CNTNAP2: variants seen among roughly 807,000 people sequenced by gnomAD.
CNTNAP2 encodes contactin-associated protein-like 2.
A neutral mutation model predicts 155.2 loss-of-function variants in CNTNAP2; 98 were observed. The observed-to-expected ratio is 0.63, with a 90% CI of 0.54 to 0.75. CNTNAP2 has a LOEUF of 0.75. CNTNAP2 is among the 30% of genes least tolerant of loss of function. CNTNAP2 has a pLI of 0.00. For synonymous variants in CNTNAP2, 651 were observed against 631.2 expected, an observed-to-expected ratio of 1.03 and a Z score of -0.47; for missense variants, 1,727 against 1,688.1, an observed-to-expected ratio of 1.02 and a Z score of -0.40.
intron 14 of CNTNAP2, 36 bp downstream of exon 14, chr7:147,903,757 T>A (rs1281826278): frequency 6.2e-7 from 1 of 1,608,740 alleles, no homozygotes; most frequent in Non-Finnish European, 8.5e-7. Context: ...AGGCTCACCC[T>A]CCCAGTGTGC....
chr7:147,888,955 T>G (rs1187998912), intron 13 of CNTNAP2, among the ~76,000 whole-genome samples: 1 of 152,050 alleles, frequency 6.6e-6, no homozygotes, highest in African/African-American at 2.4e-5. Flanking sequence ...CAATAAACTT[T>G]AATTTGTGAT....
intron 1 of CNTNAP2, among the ~76,000 whole-genome samples, chr7:146,762,679 G>C (rs946146810): frequency 1.3e-5 from 2 of 152,084 alleles, no homozygotes; most frequent in South Asian, 2.1e-4. Context: ...CCTGTGCCTG[G>C]GTAACTCATA....
intron 22 of CNTNAP2, among the ~76,000 whole-genome samples, chr7:148,386,711 CTT>C (rs762702353): frequency 5.9e-5 from 9 of 152,254 alleles, no homozygotes; most frequent in South Asian, 4.2e-4. Flanking sequence ...GGAGGAAAAA[CTT>C]TTCCTCTGTC....
chr7:146,656,871 A>T (rs187364195), intron 1 of CNTNAP2, among the ~76,000 whole-genome samples: 2 of 152,322 alleles, frequency 1.3e-5, no homozygotes, highest in Admixed American at 1.3e-4. Flanking sequence ...ATGGCTTATT[A>T]TGTCAATCTC....
chr7:147,653,432 G>T (rs1283989403), intron 13 of CNTNAP2, among the ~76,000 whole-genome samples: 1 of 152,080 alleles, frequency 6.6e-6, no homozygotes, highest in Non-Finnish European at 1.5e-5. Context: ...AGCACCTGGG[G>T]GGATGAACAG....
At chr7:148,196,914 G>T (rs1261051515) in intron 18 of CNTNAP2, among the ~76,000 whole-genome samples, 1 of 152,094 alleles carries the variant, frequency 6.6e-6, no homozygotes, top group Non-Finnish European at 1.5e-5. Context: ...CTCAAGGGAG[G>T]GATTCAGGGA....
chr7:148,272,031 T>A (rs1027249367), intron 21 of CNTNAP2, among the ~76,000 whole-genome samples: 4 of 152,094 alleles, frequency 2.6e-5, no homozygotes, highest in Admixed American at 6.5e-5. Context: ...CACACTGAGC[T>A]CTTTGATGAG....
At chr7:146,754,258 G>C (rs1801954178) in intron 1 of CNTNAP2, among the ~76,000 whole-genome samples, 1 of 151,920 alleles carries the variant, frequency 6.6e-6, no homozygotes, top group African/African-American at 2.4e-5. Flanking sequence ...AACTCGTAAA[G>C]AAAATGGTTG....
chr7:146,526,342 T>A (rs1797691253), intron 1 of CNTNAP2, among the ~76,000 whole-genome samples: 1 of 152,226 alleles, frequency 6.6e-6, no homozygotes, highest in Non-Finnish European at 1.5e-5. Flanking sequence ...TTGCACACAG[T>A]TCTTCATGCT....
intron 21 of CNTNAP2, among the ~76,000 whole-genome samples, chr7:148,366,393 ACT>A (rs1798782081): frequency 2.6e-5 from 4 of 151,420 alleles, no homozygotes; most frequent in African/African-American, 9.7e-5. Context: ...GAAGGTAGAA[ACT>A]CTTTTTCACT....
chr7:147,278,324 CT>C (rs1804950447), intron 8 of CNTNAP2, among the ~76,000 whole-genome samples: 1 of 151,714 alleles, frequency 6.6e-6, no homozygotes, highest in Non-Finnish European at 1.5e-5. Flanking sequence ...TGTTCACTGA[CT>C]TTTATAGTTA....
chr7:147,982,028 C>T (rs1205442339), intron 15 of CNTNAP2, among the ~76,000 whole-genome samples: 1 of 152,118 alleles, frequency 6.6e-6, no homozygotes, highest in African/African-American at 2.4e-5. Flanking sequence ...ATCAGGTAGA[C>T]ATTGTTTCAA....
At chr7:148,008,555 A>G (rs1253419192) in intron 15 of CNTNAP2, among the ~76,000 whole-genome samples, 1 of 152,204 alleles carries the variant, frequency 6.6e-6, no homozygotes, top group East Asian at 1.9e-4. Context: ...ATCGGCTTCC[A>G]AGATCTTATC....
chr7:146,847,826 T>A (rs1794789057), intron 3 of CNTNAP2, among the ~76,000 whole-genome samples: 2 of 152,176 alleles, frequency 1.3e-5, no homozygotes. Flanking sequence ...TCATATGAAT[T>A]GTGCCTGGAA....
At chr7:147,875,423 C>T (rs139877680) in intron 13 of CNTNAP2, among the ~76,000 whole-genome samples, 28 of 152,140 alleles carry the variant, frequency 1.8e-4, no homozygotes, top group Non-Finnish European at 3.4e-4. Context: ...ATGAGAACAG[C>T]CCAGGAAAAA....
chr7:147,212,875 C>T (rs553246929), intron 8 of CNTNAP2, among the ~76,000 whole-genome samples: 4 of 152,206 alleles, frequency 2.6e-5, no homozygotes, highest in South Asian at 4.1e-4. Context: ...AGTTAACTTA[C>T]ACTAAAATAT....
At chr7:147,868,998 G>C (rs995098809) in intron 13 of CNTNAP2, among the ~76,000 whole-genome samples, 14 of 152,204 alleles carry the variant, frequency 9.2e-5, no homozygotes, top group Admixed American at 8.5e-4. Flanking sequence ...ATCAGTCCCA[G>C]TGCGATGAAC....
chr7:147,101,737 G>A (rs1800657834), intron 4 of CNTNAP2, among the ~76,000 whole-genome samples: 1 of 152,070 alleles, frequency 6.6e-6, no homozygotes, highest in Non-Finnish European at 1.5e-5. Flanking sequence ...ACTGTCCCCA[G>A]CCAAACCCCT....
At chr7:146,800,510 C>A (rs1397713657) in intron 2 of CNTNAP2, among the ~76,000 whole-genome samples, 1 of 152,200 alleles carries the variant, frequency 6.6e-6, no homozygotes, top group Non-Finnish European at 1.5e-5. Flanking sequence ...ACTCTAGCTG[C>A]AAGGGAAGCT....
Sources: allele counts gnomAD v4.1 joint callset (sites outside exome capture counted in the v4.1 genomes callset), GRCh38; gene constraint gnomAD v4.1.1; transcripts MANE v1.5; gene names NCBI Gene and HGNC (gene_info 2026-07-23, HGNC 2026-07-21).